Variants in SGPL1 observed in about 807,000 individuals in gnomAD.
SGPL1 encodes the protein SP-lyase 1.
In SGPL1, 37 loss-of-function variants were observed where a neutral mutation model predicts 68.9. The observed-to-expected ratio is 0.54, with a 90% CI of 0.41 to 0.71. The LOEUF is 0.71. Ranked by LOEUF, SGPL1 falls within the 30% of genes least tolerant of loss-of-function variation. SGPL1 has a pLI of 0.00. For missense variants in SGPL1, 551 were observed against 704.6 expected (o/e 0.78, Z 2.47); for synonymous variants, 236 against 248.5 (o/e 0.95, Z 0.47).
At chr10:70,833,782 A>G (rs1845582474) in intron 2 of SGPL1, among the ~76,000 whole-genome samples, 1 of 152,212 alleles carries the variant, frequency 6.6e-6, no homozygotes, top group East Asian at 1.9e-4. Context: ...GGTAGAACAG[A>G]TTTTTCTTTT....
intron 6 of SGPL1, among the ~76,000 whole-genome samples, chr10:70,858,686 G>C (rs1846002003): frequency 6.6e-6 from 1 of 152,188 alleles, no homozygotes; most frequent in Admixed American, 6.5e-5. Flanking sequence ...TCATGAGCCA[G>C]CTCCCACTTA....
chr10:70,847,640 G>A (rs897246052), intron 3 of SGPL1, among the ~76,000 whole-genome samples: 2 of 151,886 alleles, frequency 1.3e-5, no homozygotes, highest in East Asian at 1.9e-4. Flanking sequence ...AAAAAAAATC[G>A]TCAAATGTTG....
At chr10:70,830,799 A>G (rs1404332819) in intron 2 of SGPL1, among the ~76,000 whole-genome samples, 1 of 152,180 alleles carries the variant, frequency 6.6e-6, no homozygotes, top group Non-Finnish European at 1.5e-5. Flanking sequence ...AACAGCAAAG[A>G]TCTCTAGCTT....
chr10:70,863,858 C>G (rs1331139277), intron 7 of SGPL1, among the ~76,000 whole-genome samples: 1 of 152,150 alleles, frequency 6.6e-6, no homozygotes, highest in African/African-American at 2.4e-5. Context: ...TTCCAGCCAT[C>G]TCCTGTTGGA....
At chr10:70,867,358 C>G (rs1271505180) in intron 7 of SGPL1, among the ~76,000 whole-genome samples, 1 of 152,002 alleles carries the variant, frequency 6.6e-6, no homozygotes, top group African/African-American at 2.4e-5. Context: ...AGGCCAGGAG[C>G]TTGAGACCAG....
At position 70,835,466 on chromosome 10, in the gene SGPL1, G is replaced by A. The variant is rs766855874; in HGVS notation, c.28-9007G>A. Among the ~76,000 whole-genome samples, 54 of 152,138 alleles carry A rather than the reference G, an allele frequency of 3.5e-4. 2 individuals are homozygous for A. The highest frequency in any genetic ancestry group is 1.2e-4 in the African/African-American group (5 of 41,422). ...GAAATGCCAAGAAGAGGCCGGGTGC[G>A]GTGGCTCATGCCTGTAATCCCAGCT... On this transcript the variant is annotated intron_variant, in intron 2 of 14. Transcript: ENST00000373202.
At position 70,879,392 on chromosome 10, in the gene SGPL1, TG is replaced by T. The variant is rs1191985955; in HGVS notation, c.*2058del. 6.5e-6 allele frequency: 1 copy of T among 153,406 alleles called. No homozygotes were observed. Among genetic ancestry groups the T allele is most frequent in the African/African-American group, 2.4e-5 (1 of 41,440 alleles). The allele number at this position is 153,406 out of a possible 1,614,324, so 9.5% of individuals were successfully genotyped here. A position where few individuals can be genotyped will look rare whatever the true frequency, so the allele number is the denominator to read the frequency against. ...GGTGTGGCATTTATGTGTGTGTGTG[TG>T]TGTGTGTGTGTTTTTCCTGTTTGCC... On this transcript the variant is annotated 3_prime_UTR_variant, in exon 15 of 15. Transcript: ENST00000373202.
intron 2 of SGPL1, among the ~76,000 whole-genome samples, chr10:70,828,455 A>T (rs1416726397): frequency 3.9e-5 from 6 of 152,204 alleles, no homozygotes; most frequent in Admixed American, 6.5e-5. Context: ...GGCTTCCTAA[A>T]GTGCTGCGAT....
intron 4 of SGPL1, among the ~76,000 whole-genome samples, chr10:70,851,923 G>T (rs565155526): frequency 2.6e-5 from 4 of 152,276 alleles, no homozygotes; most frequent in Admixed American, 2.6e-4. Flanking sequence ...GCTGTCTCTT[G>T]CTGTTTGCAA....
At chr10:70,873,056 A>G (rs1198037517) in intron 11 of SGPL1, among the ~76,000 whole-genome samples, 1 of 152,188 alleles carries the variant, frequency 6.6e-6, no homozygotes, top group Non-Finnish European at 1.5e-5. Flanking sequence ...CTCCAGAGAA[A>G]TATTTTAAAT....
chr10:70,831,177 A>T (rs913613720), intron 2 of SGPL1, among the ~76,000 whole-genome samples: 1 of 152,174 alleles, frequency 6.6e-6, no homozygotes, highest in Non-Finnish European at 1.5e-5. Flanking sequence ...CAGATAATGC[A>T]TAATTTTTCA....
rs374879322 is a variant in SGPL1 at position 70,871,018 on chromosome 10, C to G, written c.811-30C>G. The stretch of plus-strand genomic sequence containing the variant: ...GAGAAGAGTAATTGTGACATAGATT[C>G]TCATTTTCCTTTAAACTTTAAATCC... On this transcript the variant is annotated intron_variant, in intron 9 of 14. Transcript: ENST00000373202. The G allele has an allele frequency of 9.2e-5, 145 of 1,575,780 alleles. No homozygotes were observed. In the African/African-American group the frequency reaches 1.7e-3, roughly 18 times the overall value.
intron 3 of SGPL1, among the ~76,000 whole-genome samples, chr10:70,847,437 C>T (rs1203641096): frequency 6.6e-6 from 1 of 152,136 alleles, no homozygotes; most frequent in Non-Finnish European, 1.5e-5. Flanking sequence ...GCCTGAGCCA[C>T]CATGCCCAGC....
chr10:70,821,567 C>G lies in SGPL1; in HGVS notation c.27+4687C>G, dbSNP rs189766479. Among the ~76,000 whole-genome samples the G allele has an allele frequency of 5.9e-5, 9 of 152,132 alleles. No homozygotes were observed. In the East Asian group the frequency reaches 1.2e-3, roughly 20 times the overall value. The stretch of plus-strand genomic sequence containing the variant: ...GCCCTCTGGGTGACATTTGACAATG[C>G]CTAGAGACATTTTGGGTTGTTACAC... On this transcript the variant is annotated intron_variant, in intron 2 of 14. Coordinates refer to ENST00000373202, the MANE Select transcript of SGPL1 (RefSeq NM_003901.4).
At chr10:70,870,095 ATC>A in intron 9 of SGPL1, 198 bp downstream of exon 9, 1 of 476,046 alleles carries the variant, frequency 2.1e-6, no homozygotes, top group African/African-American at 2.0e-5. Context: ...AAGGGAGGTG[ATC>A]TAGTCACTAA....
chr10:70,854,672 T>TG lies in SGPL1; in HGVS notation c.262-35dup. 4 of 1,586,276 alleles carry TG rather than the reference T, an allele frequency of 2.5e-6. No individual in the cohort carries two copies. In the South Asian group the frequency reaches 3.5e-5, roughly 14 times the overall value. ...AATTCTGCTGTCTCTACTGTACTCTTGCATCTGGATAACTTTGTCTTTCTT... is the reference window on the plus strand; with the variant it reads ...AATTCTGCTGTCTCTACTGTACTCTTGGCATCTGGATAACTTTGTCTTTCTT... On this transcript the variant is annotated intron_variant, in intron 4 of 14. Transcript: ENST00000373202.
chr10:70,854,908 G>A (rs1032920024), intron 5 of SGPL1, 53 bp downstream of exon 5: 2 of 1,462,900 alleles, frequency 1.4e-6, no homozygotes, highest in African/African-American at 1.4e-5. Flanking sequence ...GACAGGTTTT[G>A]TCATTGTTTA....
intron 7 of SGPL1, among the ~76,000 whole-genome samples, chr10:70,861,933 G>T (rs1055549366): frequency 2.0e-5 from 3 of 152,192 alleles, no homozygotes; most frequent in Admixed American, 2.0e-4. Context: ...CACCCCCTCC[G>T]TGGGCTCCTG....
chr10:70,880,520 T>C lies in SGPL1; in HGVS notation c.*3185T>C, dbSNP rs772756208. The stretch of plus-strand genomic sequence containing the variant: ...TAGCCATCTGGGCAGTGTGGTTCTG[T>C]CTAACCAAAGGGCATTGGCCTCAAA... On this transcript the variant is annotated 3_prime_UTR_variant, in exon 15 of 15. Transcript: ENST00000373202. 1 of 152,200 alleles carries C rather than the reference T, an allele frequency of 6.6e-6. No individual in the cohort carries two copies. The highest frequency in any genetic ancestry group is 1.5e-5 in the Non-Finnish European group (1 of 68,042). The allele number at this position is 152,200 out of a possible 1,614,324, so 9.4% of individuals were successfully genotyped here. A position where few individuals can be genotyped will look rare whatever the true frequency, so the allele number is the denominator to read the frequency against.
Sources: allele counts gnomAD v4.1 joint callset (sites outside exome capture counted in the v4.1 genomes callset), GRCh38; gene constraint gnomAD v4.1.1; transcripts MANE v1.5; gene names NCBI Gene and HGNC (gene_info 2026-07-23, HGNC 2026-07-21).